The following MCPH1 variants were observed in gnomAD, a reference collection of about 807,000 sequenced individuals.
The protein encoded by MCPH1 is microcephalin 1.
MCPH1 carries 104 observed loss-of-function variants against 84.5 expected under a neutral mutation model. The observed-to-expected ratio is 1.23, with a 90% confidence interval of 1.05 to 1.45. The LOEUF is 1.45. Ranked by LOEUF, MCPH1 falls within the 40% of genes most tolerant of loss-of-function variation. The pLI, the probability that MCPH1 is intolerant of heterozygous loss-of-function variation, is 0.00. For synonymous variants in MCPH1, 514 were observed against 366.8 expected, an observed-to-expected ratio of 1.40 and a Z score of -4.58; for missense variants, 1,498 against 1,005.7, an observed-to-expected ratio of 1.49 and a Z score of -6.62.
chr8:6,528,740 G>C (rs1216525576), intron 12 of MCPH1, among the ~76,000 whole-genome samples: 1 of 152,224 alleles, frequency 6.6e-6, no homozygotes, highest in African/African-American at 2.4e-5. Context: ...GCAAATGTCA[G>C]TCAGCATTGT....
At chr8:6,608,870 C>A (rs1830006325) in intron 12 of MCPH1, among the ~76,000 whole-genome samples, 1 of 152,186 alleles carries the variant, frequency 6.6e-6, no homozygotes, top group South Asian at 2.1e-4. Flanking sequence ...GCCTCACCAC[C>A]CTCCATCCCG....
At chr8:6,520,019 A>T (rs1380386308) in intron 12 of MCPH1, 2 of 1,610,536 alleles carry the variant, frequency 1.2e-6, no homozygotes, top group African/African-American at 1.3e-5. Context: ...TAAGGCATTT[A>T]AACGGAGTTC....
chr8:6,453,923 G>A (rs999479569), intron 8 of MCPH1, among the ~76,000 whole-genome samples: 1 of 152,044 alleles, frequency 6.6e-6, no homozygotes, highest in African/African-American at 2.4e-5. Flanking sequence ...GTTTAGAACT[G>A]GACCTTAAAA....
Position 6,469,972 on chromosome 8 carries a change from C to G in MCPH1, c.1936-7622C>G, listed in dbSNP as rs1193482413. Among the ~76,000 whole-genome samples the G allele has an allele frequency of 7.2e-5, 11 of 152,270 alleles. No homozygotes were observed. In the East Asian group the frequency reaches 1.9e-3, roughly 27 times the overall value. ...TGTGACCACCTTTTTCACGTTTGCT[C>G]TGATTGCCTTTGGATGCGCCTAACT... On this transcript the variant is annotated intron_variant, in intron 9 of 13. Transcript: ENST00000344683.
chr8:6,511,362 A>G (rs1393644021), intron 12 of MCPH1, among the ~76,000 whole-genome samples: 2 of 152,174 alleles, frequency 1.3e-5, no homozygotes, highest in African/African-American at 2.4e-5. Context: ...GGTAACATCA[A>G]CATTAACAAT....
intron 13 of MCPH1, among the ~76,000 whole-genome samples, chr8:6,629,818 T>C (rs1014540545): frequency 1.3e-5 from 2 of 152,220 alleles, no homozygotes; most frequent in Non-Finnish European, 2.9e-5. Flanking sequence ...ATGCAGTGAA[T>C]TACTGAAAGA....
In MCPH1 at chr8:6,413,226, C is replaced by G. The variant is rs182370514; in HGVS notation, c.115-1539C>G. ...CCTTGAAGGTATTTCCCATTGTTTT[C>G]TCAATTCCAGACTGCTGTTGATAAG... On this transcript the variant is annotated intron_variant, in intron 2 of 13. Coordinates refer to ENST00000344683, the MANE Select transcript of MCPH1 (RefSeq NM_024596.5). 3.3e-5 allele frequency among the ~76,000 whole-genome samples: 5 copies of G among 150,560 alleles called. No homozygotes were observed. The East Asian group carries it at 9.8e-4, about 30-fold the overall frequency.
intron 12 of MCPH1, among the ~76,000 whole-genome samples, chr8:6,618,133 T>A (rs1586820779): frequency 1.3e-5 from 2 of 152,324 alleles, no homozygotes; most frequent in South Asian, 4.1e-4. Flanking sequence ...GAAAAATCCA[T>A]GAAAATAATA....
At chr8:6,466,765 G>A (rs940142193) in intron 9 of MCPH1, among the ~76,000 whole-genome samples, 14 of 151,714 alleles carry the variant, frequency 9.2e-5, no homozygotes, top group Admixed American at 3.9e-4. Flanking sequence ...AAGTACAGAC[G>A]GGGTTTCACC....
chr8:6,519,774 T>G, intron 12 of MCPH1: 1 of 1,495,418 alleles, frequency 6.7e-7, no homozygotes, highest in Non-Finnish European at 9.1e-7. Flanking sequence ...GGGAAGATCT[T>G]TGGGGAGAGA....
chr8:6,547,303 C>A (rs766454958), intron 12 of MCPH1, among the ~76,000 whole-genome samples: 1 of 152,060 alleles, frequency 6.6e-6, no homozygotes, highest in Middle Eastern at 3.2e-3. Flanking sequence ...AGTACAGAGA[C>A]TTGAATCATT....
At chr8:6,627,908 T>TAC (rs1586866311) in intron 13 of MCPH1, among the ~76,000 whole-genome samples, 1 of 121,928 alleles carries the variant, frequency 8.2e-6, no homozygotes, top group East Asian at 3.5e-4. Flanking sequence ...TATATGTGTT[T>TAC]ATATATATAT....
intron 8 of MCPH1, among the ~76,000 whole-genome samples, chr8:6,453,826 G>A (rs532037131): frequency 8.9e-4 from 135 of 152,260 alleles, no homozygotes; most frequent in Non-Finnish European, 1.7e-3. Flanking sequence ...GAGGAGGTAC[G>A]GGATCAGTCA....
rs377522481 is a variant in MCPH1 at position 6,623,688 on chromosome 8, C to CAAAAAAAAAAAAA, written c.2452+2015_2452+2027dup. ...CATCTTTTGCCTGGAAACCAACTTC[C>CAAAAAAAAAAAAA]AAAAAAAAAAAAAAAAAAAAAAAAA... On this transcript the variant is annotated intron_variant, in intron 13 of 13. Coordinates refer to ENST00000344683, the MANE Select transcript of MCPH1 (RefSeq NM_024596.5). 1.2e-4 allele frequency among the ~76,000 whole-genome samples: 11 copies of CAAAAAAAAAAAAA among 92,428 alleles called. 1 individual carries two copies. Among genetic ancestry groups the CAAAAAAAAAAAAA allele is most frequent in the African/African-American group, 5.0e-4 (11 of 21,792 alleles). The allele number at this position is 92,428 out of a possible 152,430, so 60.6% of individuals were successfully genotyped here. A position where few individuals can be genotyped will look rare whatever the true frequency, so the allele number is the denominator to read the frequency against.
intron 12 of MCPH1, among the ~76,000 whole-genome samples, chr8:6,601,776 C>G (rs1259387269): frequency 6.6e-6 from 1 of 150,492 alleles, no homozygotes; most frequent in African/African-American, 2.4e-5. Context: ...CACCCAATCA[C>G]GTACCACATA....
In MCPH1 at chr8:6,414,937, G is replaced by T. The variant is rs1324443380; in HGVS notation, c.233+54G>T. 1.9e-6 allele frequency: 3 copies of T among 1,576,730 alleles called. No homozygotes were observed. In the African/African-American group the frequency reaches 4.1e-5, roughly 21 times the overall value. The stretch of plus-strand genomic sequence containing the variant: ...CTTAAGTATCTAGTATTGAAAATGT[G>T]TGGAGATATTTTTCACAGATCGCAG... On this transcript the variant is annotated intron_variant, in intron 3 of 13. Transcript: ENST00000344683.
intron 12 of MCPH1, among the ~76,000 whole-genome samples, chr8:6,528,969 C>T (rs973562943): frequency 2.6e-5 from 4 of 152,168 alleles, no homozygotes; most frequent in African/African-American, 9.7e-5. Context: ...ATACATTTGG[C>T]CTACGTCTTC....
chr8:6,624,556 A>T (rs1831860412), intron 13 of MCPH1, among the ~76,000 whole-genome samples: 1 of 152,056 alleles, frequency 6.6e-6, no homozygotes, highest in African/African-American at 2.4e-5. Context: ...TCTCTTTGTG[A>T]AGTGAATTCC....
At chr8:6,447,240 A>C (rs1804536369) in intron 8 of MCPH1, 4 of 985,166 alleles carry the variant, frequency 4.1e-6, no homozygotes, top group Admixed American at 6.2e-5. Flanking sequence ...AGGTGAACCA[A>C]CTCTCTTTGG....
Sources: gnomAD v4.1 joint callset for allele counts (sites outside exome capture counted in the v4.1 genomes callset) on GRCh38, gnomAD v4.1.1 for gene constraint, MANE v1.5 for transcripts, NCBI Gene and HGNC (gene_info 2026-07-23, HGNC 2026-07-21) for gene names.